The following ARHGAP21 variants were observed in gnomAD, a reference collection of about 807,000 sequenced individuals.
ARHGAP21 encodes Rho GTPase activating protein 21.
Under a neutral mutation model 164.6 loss-of-function variants are expected in ARHGAP21, and 38 were observed. The ratio of observed to expected loss-of-function variants is 0.23; its 90% confidence interval spans 0.18 to 0.30. ARHGAP21 has a LOEUF of 0.30. ARHGAP21 is among the 10% of genes least tolerant of loss of function. ARHGAP21 has a pLI of 1.00. For missense variants in ARHGAP21, 1,822 were observed against 2,370.7 expected (o/e 0.77, Z 4.81); for synonymous variants, 766 against 857.9 (o/e 0.89, Z 1.87).
chr10:24,611,658 T>G (rs951465200), intron 9 of ARHGAP21, among the ~76,000 whole-genome samples: 3 of 151,506 alleles, frequency 2.0e-5, no homozygotes, highest in African/African-American at 7.3e-5. Flanking sequence ...GAAGCGAGAT[T>G]GCGCCACTGC....
In ARHGAP21 at chr10:24,621,270, A is replaced by T; in HGVS notation, c.625T>A (p.Ser209Thr). 1 of 1,613,892 alleles carries T rather than the reference A, an allele frequency of 6.2e-7. No homozygotes were observed. Among genetic ancestry groups the T allele is most frequent in the Non-Finnish European group, 8.5e-7 (1 of 1,179,826 alleles). ...GGCTGTGCCATGGCTGATGGGGCAG[A>T]TGGCAGCCAGGGATAGCAGATTGGT... is the stretch of plus-strand genomic sequence containing the variant. ...PPPICYPWLPSAPSAMAQPVE... is the reference protein window; with the variant it reads ...PPPICYPWLPTAPSAMAQPVE... The change falls in exon 9 of 26, where the codon TCT (serine) becomes ACT (threonine). Residue 209 changes from serine (S) to threonine (T), a missense_variant. By Grantham distance (58) the Ser-to-Thr change is moderately conservative. Transcript: ENST00000396432.
At chr10:24,688,566 A>G (rs917646846) in intron 2 of ARHGAP21, among the ~76,000 whole-genome samples, 1 of 152,202 alleles carries the variant, frequency 6.6e-6, no homozygotes, top group Non-Finnish European at 1.5e-5. Flanking sequence ...ATAGGCCAAG[A>G]CTAGATGGGG....
At chr10:24,599,250 C>G (rs1373527425) in intron 14 of ARHGAP21, among the ~76,000 whole-genome samples, 1 of 152,196 alleles carries the variant, frequency 6.6e-6, no homozygotes, top group Non-Finnish European at 1.5e-5. Context: ...GAGAGAATGC[C>G]TGACACATAG....
At chr10:24,660,414 G>A (rs1364712870) in intron 4 of ARHGAP21, among the ~76,000 whole-genome samples, 2 of 55,100 alleles carry the variant, frequency 3.6e-5, no homozygotes, top group Non-Finnish European at 3.9e-5. Flanking sequence ...AAAAAAAGAT[G>A]CTGAAGGGTT....
At chr10:24,641,868 A>G (rs1837064671) in intron 4 of ARHGAP21, among the ~76,000 whole-genome samples, 1 of 151,978 alleles carries the variant, frequency 6.6e-6, no homozygotes. Flanking sequence ...ATTGTGGCAC[A>G]TCCCTATAAT....
intron 11 of ARHGAP21, 56 bp from the exon 12 acceptor site, chr10:24,604,404 A>T: frequency 8.1e-7 from 1 of 1,231,568 alleles, no homozygotes; most frequent in South Asian, 1.4e-5. Flanking sequence ...AATCTTAAAG[A>T]TGTAAGAATA....
At chr10:24,590,697 G>A in intron 24 of ARHGAP21, 1 of 1,326,918 alleles carries the variant, frequency 7.5e-7, no homozygotes, top group Non-Finnish European at 9.6e-7. Context: ...GAAAATAAAT[G>A]TCAAATAGGC....
At chr10:24,664,186 C>A (rs1168916049) in intron 4 of ARHGAP21, among the ~76,000 whole-genome samples, 2 of 152,136 alleles carry the variant, frequency 1.3e-5, no homozygotes, top group Non-Finnish European at 2.9e-5. Flanking sequence ...TAATGTGTAT[C>A]CTTAACTGAT....
At position 24,670,252 on chromosome 10, in the gene ARHGAP21, T is replaced by A; in HGVS notation, c.209A>T (p.Tyr70Phe). The A allele has an allele frequency of 6.2e-7, 1 of 1,601,602 alleles. No individual in the cohort carries two copies. Among genetic ancestry groups the A allele is most frequent in the Non-Finnish European group, 8.5e-7 (1 of 1,173,954 alleles). ...FGFTLRHFIV[Y>F]PPESAIQFSY... ...AAATTGAATTGCAGACTCTGGGGGA[T>A]AAACAATAAAATGTCTTAATGTAAA... The change falls in exon 3 of 26, where the codon TAT becomes TTT. Residue 70 changes from tyrosine (Y) to phenylalanine (F), a missense_variant. Around this residue, in one of 5 missense-constraint regions of ARHGAP21, gnomAD observed 1,090 missense variants for 1,378.9 expected, o/e 0.79. Transcript: ENST00000396432.
intron 2 of ARHGAP21, among the ~76,000 whole-genome samples, chr10:24,695,334 C>T (rs1158434603): frequency 2.0e-5 from 3 of 151,866 alleles, no homozygotes; most frequent in Non-Finnish European, 4.4e-5. Context: ...TTTCAGAGGC[C>T]GAGGCAGGTG....
intron 2 of ARHGAP21, among the ~76,000 whole-genome samples, chr10:24,694,150 T>C (rs1842959365): frequency 6.6e-6 from 1 of 152,204 alleles, no homozygotes; most frequent in Non-Finnish European, 1.5e-5. Flanking sequence ...CCCCAGAAAG[T>C]ACCATTCAAC....
intron 4 of ARHGAP21, among the ~76,000 whole-genome samples, chr10:24,660,386 TAAAAAAAA>T (rs56053080): frequency 1.5e-4 from 9 of 60,090 alleles, no homozygotes; most frequent in African/African-American, 1.9e-4. Context: ...CTCTCTCTCT[TAAAAAAAA>T]AAAAAAAAAA....
In ARHGAP21 at chr10:24,620,363, G is replaced by A. The variant is rs1490308051; in HGVS notation, c.1532C>T (p.Ser511Phe). 1 of 1,613,608 alleles carries A rather than the reference G, an allele frequency of 6.2e-7. No homozygotes were observed. The highest frequency in any genetic ancestry group is 1.3e-5 in the African/African-American group (1 of 74,880). ...GQDETLENVNSGTPIPDSNGE... is the reference protein window; with the variant it reads ...GQDETLENVNFGTPIPDSNGE... ...ATTGGAATCAGGTATTGGAGTTCCA[G>A]AATTGACATTTTCTAAGGTTTCATC... The change falls in exon 9 of 26, where the codon TCT becomes TTT. Residue 511 changes from serine (S) to phenylalanine (F), a missense_variant. By Grantham distance (155) the Ser-to-Phe change is radical (BLOSUM62 -2). Around this residue, in one of 5 missense-constraint regions of ARHGAP21, gnomAD observed 1,090 missense variants for 1,378.9 expected, o/e 0.79. Coordinates refer to ENST00000396432, the MANE Select transcript of ARHGAP21 (RefSeq NM_020824.4).
At chr10:24,653,239 A>G (rs1838387908) in intron 4 of ARHGAP21, among the ~76,000 whole-genome samples, 2 of 152,188 alleles carry the variant, frequency 1.3e-5, no homozygotes, top group Non-Finnish European at 2.9e-5. Flanking sequence ...TCAGGAAACC[A>G]CAGACCTGTT....
chr10:24,613,370 G>A (rs1408478406), intron 9 of ARHGAP21, among the ~76,000 whole-genome samples: 1 of 152,060 alleles, frequency 6.6e-6, no homozygotes, highest in African/African-American at 2.4e-5. Context: ...CTGGTGATGG[G>A]TGCCCATCAC....
intron 2 of ARHGAP21, among the ~76,000 whole-genome samples, chr10:24,721,111 G>A (rs1845883292): frequency 6.6e-6 from 1 of 151,882 alleles, no homozygotes; most frequent in Admixed American, 6.6e-5. Flanking sequence ...AAAATCTCTG[G>A]GCCCTTGGGA....
At chr10:24,672,878 C>T (rs984540773) in intron 2 of ARHGAP21, among the ~76,000 whole-genome samples, 2 of 149,798 alleles carry the variant, frequency 1.3e-5, no homozygotes, top group Non-Finnish European at 3.0e-5. Context: ...AAAACAAAAA[C>T]AAAAACAAAA....
chr10:24,592,539 CA>C (rs1276700889), intron 21 of ARHGAP21, among the ~76,000 whole-genome samples: 7 of 151,996 alleles, frequency 4.6e-5, no homozygotes, highest in Non-Finnish European at 1.0e-4. Context: ...CAGAAGATTA[CA>C]GGCACACCTG....
At chr10:24,643,025 T>C (rs1017324482) in intron 4 of ARHGAP21, among the ~76,000 whole-genome samples, 2 of 152,162 alleles carry the variant, frequency 1.3e-5, no homozygotes, top group East Asian at 1.9e-4. Context: ...TTCCCTCAAA[T>C]AGTATAAGGA....
Sources: allele counts gnomAD v4.1 joint callset (sites outside exome capture counted in the v4.1 genomes callset), GRCh38; gene constraint gnomAD v4.1.1; regional missense constraint gnomAD v4.1.1; transcripts MANE v1.5; gene names NCBI Gene and HGNC (gene_info 2026-07-23, HGNC 2026-07-21).